DNAH2: variants seen among roughly 807,000 people sequenced by gnomAD.
DNAH2 encodes axonemal beta dynein heavy chain 2.
In DNAH2, 323 loss-of-function variants were observed where a neutral mutation model predicts 523.5. The observed-to-expected ratio is 0.62, with a 90% CI of 0.56 to 0.68. DNAH2 has a LOEUF of 0.68. Among genes scored for constraint, DNAH2 ranks in the 30% least tolerant of loss-of-function variants. The pLI is 0.00. For missense variants in DNAH2, 4,907 were observed against 5,701.5 expected (o/e 0.86, Z 4.49); for synonymous variants, 2,093 against 2,177.4 (o/e 0.96, Z 1.08).
chr17:7,808,382 AAAAG>A (rs2077425215), intron 63 of DNAH2, among the ~76,000 whole-genome samples: 1 of 152,000 alleles, frequency 6.6e-6, no homozygotes, highest in African/African-American at 2.4e-5. Context: ...AAAAAAAAAA[AAAAG>A]ATGCATGCAT....
At chr17:7,729,726 G>A (rs561156340) in intron 4 of DNAH2, among the ~76,000 whole-genome samples, 69 of 152,292 alleles carry the variant, frequency 4.5e-4, no homozygotes, top group African/African-American at 1.6e-3. Context: ...CACCACACCC[G>A]GCTTGAGCCG....
Position 7,766,436 on chromosome 17 carries a change from C to T in DNAH2, c.3630C>T (p.Phe1210=), listed in dbSNP as rs1285139461. Residue 1210 remains phenylalanine, a synonymous_variant, in exon 22 of 86, where the codon TTC becomes TTT. Coordinates refer to ENST00000572933, the MANE Select transcript of DNAH2 (RefSeq NM_020877.5). ...ENSLRANLGI[F]KIEQPPSKDL... ...GTCTCCGAGCCAACCTGGGCATCTT[C>T]AAGATCGAGCAGCCACCCTCCAAGG... is the stretch of plus-strand genomic sequence containing the variant. 1 of 1,613,970 alleles carries T rather than the reference C, an allele frequency of 6.2e-7. No individual in the cohort carries two copies.
At chr17:7,784,047 C>T (rs115336975) in intron 39 of DNAH2, among the ~76,000 whole-genome samples, 1,741 of 151,898 alleles carry the variant, frequency 0.011, 33 homozygotes, top group African/African-American at 0.039. Context: ...TTAGTAAATA[C>T]GAATCAAAAG....
Position 7,819,249 on chromosome 17 carries a change from T to C in DNAH2, c.10856T>C (p.Phe3619Ser). 7.4e-6 allele frequency: 12 copies of C among 1,614,112 alleles called. No homozygotes were observed. Among genetic ancestry groups the C allele is most frequent in the Non-Finnish European group, 1.0e-5 (12 of 1,180,046 alleles). ...PCAQRASILFFVLNDMGCIDP... is the reference protein window; with the variant it reads ...PCAQRASILFSVLNDMGCIDP... ...GCCCAGCGGGCATCAATCCTGTTCTTCGTGCTCAATGATATGGGCTGCATC... is the reference window on the plus strand; with the variant it reads ...GCCCAGCGGGCATCAATCCTGTTCTCCGTGCTCAATGATATGGGCTGCATC... The change falls in exon 72 of 86, where the codon TTC becomes TCC. Residue 3619 changes from phenylalanine to serine, a missense_variant. Coordinates refer to ENST00000572933, the MANE Select transcript of DNAH2 (RefSeq NM_020877.5).
Position 7,788,069 on chromosome 17 carries a change from T to G in DNAH2, c.6742-17T>G. On this transcript the variant is annotated splice_polypyrimidine_tract_variant and intron_variant, in intron 43 of 85. Coordinates refer to ENST00000572933, the MANE Select transcript of DNAH2 (RefSeq NM_020877.5). ...GACACAAGGGTGAATGAAGAGCCCC[T>G]TCTTATTCAACTCCAGGCTGAGGTG... The G allele has an allele frequency of 6.2e-7, 1 of 1,614,002 alleles. No homozygotes were observed. The highest frequency in any genetic ancestry group is 1.7e-5 in the Admixed American group (1 of 60,018).
intron 2 of DNAH2, among the ~76,000 whole-genome samples, chr17:7,722,589 C>T (rs1383652311): frequency 4.6e-5 from 7 of 152,148 alleles, no homozygotes; most frequent in Admixed American, 3.3e-4. Context: ...AGGAACCGCT[C>T]ATCTATTTTC....
At chr17:7,815,670 G>A (rs1040303732) in intron 63 of DNAH2, among the ~76,000 whole-genome samples, 5 of 126,450 alleles carry the variant, frequency 4.0e-5, no homozygotes, top group Non-Finnish European at 4.9e-5. Context: ...ACACATATAC[G>A]GGATCACACA....
Position 7,798,122 on chromosome 17 carries a change from C to A in DNAH2, c.8231-35C>A. Reference sequence around the variant, plus strand: ...CTGGAGGTCCCCTGAGTTTGCTCAGCCAACTCATTACCCTCACACCCACCC... The same window carrying A: ...CTGGAGGTCCCCTGAGTTTGCTCAGACAACTCATTACCCTCACACCCACCC... On this transcript the variant is annotated intron_variant, in intron 53 of 85. Coordinates refer to ENST00000572933, the MANE Select transcript of DNAH2 (RefSeq NM_020877.5). The surrounding 1 kb of genome is among the most constrained non-coding windows in gnomAD (Gnocchi z 5.5). The A allele has an allele frequency of 1.3e-6, 2 of 1,549,544 alleles. No homozygotes were observed. The highest frequency in any genetic ancestry group is 8.7e-7 in the Non-Finnish European group (1 of 1,144,278).
At chr17:7,823,803 C>T in intron 74 of DNAH2, 31 bp from the exon 75 acceptor site, 2 of 1,610,150 alleles carry the variant, frequency 1.2e-6, no homozygotes, top group Non-Finnish European at 1.7e-6. Flanking sequence ...GACTCACTCC[C>T]TCTCCCTGCA....
At chr17:7,825,761 A>T (rs922343937) in intron 77 of DNAH2, among the ~76,000 whole-genome samples, 1 of 152,244 alleles carries the variant, frequency 6.6e-6, no homozygotes, top group Non-Finnish European at 1.5e-5. Flanking sequence ...CATCAGCCCC[A>T]AAGTCAGTGC....
chr17:7,798,195 A>G lies in DNAH2; in HGVS notation c.8269A>G (p.Asn2757Asp), dbSNP rs1313174596. 6.2e-7 allele frequency: 1 copy of G among 1,611,044 alleles called. No individual in the cohort carries two copies. Among genetic ancestry groups the G allele is most frequent in the East Asian group, 2.2e-5 (1 of 44,754 alleles). ...GCGGGTCATTGGACAGCCTCGGGGC[A>G]ACATGCTCCTGGTGGGTATCGGGGG... ...IVRVIGQPRGNMLLVGIGGSG... is the reference protein window; with the variant it reads ...IVRVIGQPRGDMLLVGIGGSG... The change falls in exon 54 of 86, where the codon AAC becomes GAC. Residue 2757 changes from asparagine to aspartate, a missense_variant. By Grantham distance (23) the Asn-to-Asp change is conservative. Transcript: ENST00000572933. The surrounding 1 kb of genome is among the most constrained non-coding windows in gnomAD (Gnocchi z 5.5).
intron 20 of DNAH2, 111 bp from the exon 21 acceptor site, chr17:7,765,280 C>T (rs1011253927): frequency 1.3e-5 from 11 of 820,876 alleles, no homozygotes; most frequent in African/African-American, 1.1e-4. Context: ...CCTCCTGCTC[C>T]TGGTCATCCT....
intron 77 of DNAH2, among the ~76,000 whole-genome samples, chr17:7,827,543 TCAAG>T (rs2078053332): frequency 6.6e-6 from 1 of 151,942 alleles, no homozygotes; most frequent in African/African-American, 2.4e-5. Context: ...CCTCCCAGGT[TCAAG>T]CGATTCTCCT....
At chr17:7,743,591 G>T (rs865889255) in intron 12 of DNAH2, 2 of 545,124 alleles carry the variant, frequency 3.7e-6, no homozygotes, top group Non-Finnish European at 6.5e-6. Flanking sequence ...GCCTGAGCCC[G>T]GGAGGCAGAG....
chr17:7,722,056 T>C (rs1439435229), intron 2 of DNAH2, among the ~76,000 whole-genome samples: 1 of 152,154 alleles, frequency 6.6e-6, no homozygotes, highest in Non-Finnish European at 1.5e-5. Context: ...TGGAGTGCAA[T>C]GGCGTGATCT....
intron 58 of DNAH2, 140 bp from the exon 59 acceptor site, chr17:7,804,116 C>G: frequency 1.2e-6 from 1 of 818,242 alleles, no homozygotes; most frequent in Non-Finnish European, 1.9e-6. Context: ...TGATAGAATC[C>G]CGACCAGGAT....
Position 7,799,217 on chromosome 17 carries a change from C to T in DNAH2, c.8674C>T (p.Leu2892Phe). ...GAACAACCTGCACATCGTGCTCTGC[C>T]TCAGCCCCATGGGGGATCCCTTCAG... ...VQNNLHIVLCLSPMGDPFRNW... is the reference protein window; with the variant it reads ...VQNNLHIVLCFSPMGDPFRNW... Residue 2892 changes from leucine (L) to phenylalanine (F), a missense_variant, in exon 56 of 86, where the codon CTC becomes TTC. Leu to Phe is a conservative substitution (Grantham distance 22). Transcript: ENST00000572933. 1 of 1,614,272 alleles carries T rather than the reference C, an allele frequency of 6.2e-7. No individual in the cohort carries two copies. The highest frequency in any genetic ancestry group is 8.5e-7 in the Non-Finnish European group (1 of 1,180,046).
At chr17:7,820,794 CT>C (rs2077829489) in intron 72 of DNAH2, among the ~76,000 whole-genome samples, 1 of 152,152 alleles carries the variant, frequency 6.6e-6, no homozygotes, top group Non-Finnish European at 1.5e-5. Flanking sequence ...AATCCCAGCA[CT>C]TTGGAAAGCT....
chr17:7,746,269 C>T (rs1036007615), intron 12 of DNAH2, among the ~76,000 whole-genome samples: 1 of 152,150 alleles, frequency 6.6e-6, no homozygotes, highest in African/African-American at 2.4e-5. Context: ...GAATGAAAAG[C>T]CTGCTCCTCT....
Sources: gnomAD v4.1 joint callset for allele counts (sites outside exome capture counted in the v4.1 genomes callset) on GRCh38, gnomAD v4.1.1 for gene constraint, Gnocchi (gnomAD v3.1) non-coding constraint, MANE v1.5 for transcripts, NCBI Gene and HGNC (gene_info 2026-07-23, HGNC 2026-07-21) for gene names.